P2RX7: variants seen among roughly 807,000 people sequenced by gnomAD.
The protein encoded by P2RX7 is P2X purinoceptor 7.
A neutral mutation model predicts 71.6 loss-of-function variants in P2RX7; 62 were observed. The ratio of observed to expected loss-of-function variants is 0.87; its 90% CI spans 0.71 to 1.07. P2RX7 has a LOEUF of 1.07. Ranked by LOEUF, P2RX7 falls within the 50% of genes least tolerant of loss-of-function variation. The pLI, the probability that P2RX7 is intolerant of heterozygous loss-of-function variation, is 0.00. For synonymous variants in P2RX7, 299 were observed against 283.3 expected, an observed-to-expected ratio of 1.06 and a Z score of -0.56; for missense variants, 686 against 748.5, an observed-to-expected ratio of 0.92 and a Z score of 0.97.
In P2RX7 at chr12:121,184,411, C is replaced by A. The variant is rs201763761; in HGVS notation, c.1397C>A (p.Ala466Glu). Residue 466 changes from alanine (A) to glutamate (E), a missense_variant, in exon 13 of 13, where the codon GCG becomes GAG. Transcript: ENST00000328963. ...GAGATACAGCTGCTTAGAAAGGAGG[C>A]GACTCCTAGATCCAGGGATAGCCCC... is the stretch of plus-strand genomic sequence containing the variant. ...PEEIQLLRKEATPRSRDSPVW... is the reference protein window; with the variant it reads ...PEEIQLLRKEETPRSRDSPVW... 4 of 1,614,000 alleles carry A rather than the reference C, an allele frequency of 2.5e-6. No homozygotes were observed. The highest frequency in any genetic ancestry group is 2.2e-5 in the South Asian group (2 of 91,076).
intron 8 of P2RX7, 93 bp downstream of exon 8, chr12:121,167,717 G>C (rs567584463): frequency 2.6e-6 from 3 of 1,153,894 alleles, no homozygotes; most frequent in African/African-American, 1.6e-5. Flanking sequence ...GCAACAAGAT[G>C]AATGAAAAAA....
In P2RX7 at chr12:121,160,884, T is replaced by C. The variant is rs749523524; in HGVS notation, c.364-18T>C. 4 of 1,602,110 alleles carry C rather than the reference T, an allele frequency of 2.5e-6. No individual in the cohort carries two copies. Among genetic ancestry groups the C allele is most frequent in the Non-Finnish European group, 2.6e-6 (3 of 1,169,018 alleles). Reference sequence around the variant, plus strand: ...CACACGTCACTTACTCCCCACTCTGTCATCCTTCTATCTGCAGTATCCCAC... The same window carrying C: ...CACACGTCACTTACTCCCCACTCTGCCATCCTTCTATCTGCAGTATCCCAC... On this transcript the variant is annotated intron_variant, in intron 3 of 12. Transcript: ENST00000328963.
intron 7 of P2RX7, 50 bp from the exon 8 acceptor site, chr12:121,167,425 TGTCTGGCGGTTGC>T: frequency 1.9e-6 from 3 of 1,591,050 alleles, no homozygotes; most frequent in Non-Finnish European, 2.6e-6. Flanking sequence ...TGCAGGGAGA[TGTCTGGCGGTTGC>T]GTAACTCACA....
intron 1 of P2RX7, among the ~76,000 whole-genome samples, chr12:121,139,492 T>C (rs1443767902): frequency 6.6e-6 from 1 of 152,182 alleles, no homozygotes; most frequent in Admixed American, 6.5e-5. Context: ...GAGCCTATGC[T>C]GTCATTCCTG....
chr12:121,140,225 G>A (rs1874562330), intron 1 of P2RX7, among the ~76,000 whole-genome samples: 1 of 146,276 alleles, frequency 6.8e-6, no homozygotes, highest in Admixed American at 6.6e-5. Flanking sequence ...GCAAAGACCT[G>A]GAAACAAGAG....
intron 3 of P2RX7, 127 bp from the exon 4 acceptor site, chr12:121,160,775 T>G: frequency 1.2e-6 from 1 of 812,532 alleles, no homozygotes; most frequent in Non-Finnish European, 2.2e-6. Flanking sequence ...GTTTCCACTT[T>G]TTTGGCGATT....
At chr12:121,175,327 AAAC>A in intron 8 of P2RX7, 58 bp from the exon 9 acceptor site, 1 of 1,031,534 alleles carries the variant, frequency 9.7e-7, no homozygotes. Context: ...AAAAAAAAAA[AAAC>A]CCAAAACCCA....
chr12:121,170,803 G>T (rs1882034448), intron 8 of P2RX7, among the ~76,000 whole-genome samples: 1 of 152,066 alleles, frequency 6.6e-6, no homozygotes. Flanking sequence ...TAAATAAATT[G>T]TTGAGGTCTG....
rs375830558 is a variant in P2RX7, at chr12:121,166,302, C to T, written c.744+115C>T. 3.9e-5 allele frequency: 44 copies of T among 1,137,412 alleles called. No homozygotes were observed. The African/African-American group carries it at 6.5e-4, about 17-fold the overall frequency. The allele number at this position is 1,137,412 out of a possible 1,614,324, so 70.5% of individuals were successfully genotyped here. A position where few individuals can be genotyped will look rare whatever the true frequency, so the allele number is the denominator to read the frequency against. On this transcript the variant is annotated intron_variant, in intron 7 of 12. Transcript: ENST00000328963. ...CATAATGTGGCTCACATTTACTGAG[C>T]ATTTAGTAAATCCACCCGCTACGCT...
intron 8 of P2RX7, among the ~76,000 whole-genome samples, chr12:121,174,111 G>A (rs112199676): frequency 0.034 from 4,429 of 131,998 alleles, 236 homozygotes; most frequent in African/African-American, 0.12. Context: ...GCAGTGATAC[G>A]ATCTCGGCTC....
In P2RX7 at chr12:121,184,746, C is replaced by T. The variant is rs142244492; in HGVS notation, c.1732C>T (p.Arg578Trp). 5 of 1,555,594 alleles carry T rather than the reference C, an allele frequency of 3.2e-6. No individual in the cohort carries two copies. Among genetic ancestry groups the T allele is most frequent in the Admixed American group, 1.9e-5 (1 of 51,524 alleles). ...GCCCAGCTGCTGCCGCTGGAGGATC[C>T]GGAAAGAGTTTCCGAAGAGTGAAGG... ...ILPSCCRWRI[R>W]KEFPKSEGQY... Residue 578 changes from arginine to tryptophan, a missense_variant, in exon 13 of 13, where the codon CGG becomes TGG. Arg to Trp is a moderately radical substitution (Grantham distance 101). Transcript: ENST00000328963.
At chr12:121,163,934 GA>G (rs1310810925) in intron 5 of P2RX7, among the ~76,000 whole-genome samples, 1 of 152,128 alleles carries the variant, frequency 6.6e-6, no homozygotes, top group Non-Finnish European at 1.5e-5. Flanking sequence ...CCAATGCCGG[GA>G]TGGGGGGTGC....
At chr12:121,183,218 CT>C (rs1368415056) in intron 12 of P2RX7, among the ~76,000 whole-genome samples, 1 of 150,826 alleles carries the variant, frequency 6.6e-6, no homozygotes, top group Non-Finnish European at 1.5e-5. Context: ...ATTCTATATA[CT>C]TTTTTCTATT....
At chr12:121,144,555 C>G (rs1192969084) in intron 1 of P2RX7, among the ~76,000 whole-genome samples, 1 of 152,196 alleles carries the variant, frequency 6.6e-6, no homozygotes, top group African/African-American at 2.4e-5. Flanking sequence ...AAGTCACTTA[C>G]CCAAGGTCAT....
intron 12 of P2RX7, 91 bp downstream of exon 12, chr12:121,180,546 A>G (rs1883975673): frequency 1.6e-6 from 1 of 612,200 alleles, no homozygotes; most frequent in East Asian, 2.9e-5. Flanking sequence ...ATCAAAACTG[A>G]TGGATTTTAA....
Position 121,132,888 on chromosome 12 carries a change from G to A in P2RX7, c.-83G>A. 1 of 1,535,802 alleles carries A rather than the reference G, an allele frequency of 6.5e-7. No individual in the cohort carries two copies. Among genetic ancestry groups the A allele is most frequent in the South Asian group, 1.1e-5 (1 of 88,126 alleles). On this transcript the variant is annotated 5_prime_UTR_variant, in exon 1 of 13. Coordinates refer to ENST00000328963, the MANE Select transcript of P2RX7 (RefSeq NM_002562.6). ...AAAAACCAGTACGTTTCATTTTGCA[G>A]TTACTGGGAGGGGGCTTGCTGTGGC... is the stretch of plus-strand genomic sequence containing the variant.
At chr12:121,170,682 G>A (rs781386557) in intron 8 of P2RX7, among the ~76,000 whole-genome samples, 2 of 152,154 alleles carry the variant, frequency 1.3e-5, no homozygotes, top group Non-Finnish European at 2.9e-5. Flanking sequence ...CTGAGGCAGG[G>A]AGAACTGCTT....
intron 3 of P2RX7, 48 bp downstream of exon 3, chr12:121,156,195 G>C (rs755559393): frequency 2.0e-6 from 3 of 1,502,744 alleles, no homozygotes; most frequent in Admixed American, 1.7e-5. Flanking sequence ...GAGTTCCTGG[G>C]GGAGGTGCAA....
chr12:121,175,397 G>A lies in P2RX7; in HGVS notation c.891G>A (p.Lys297=), dbSNP rs35042537. ...LYPGYNFRYA[K]YYKENNVEKR... is the part of the protein sequence containing the mutation. ...CCTTTTCTTCCTACAGATACGCCAA[G>A]TACTACAAGGAAAACAATGTTGAGA... Residue 297 remains lysine, a synonymous_variant, in exon 9 of 13, where the codon AAG becomes AAA. Transcript: ENST00000328963. The A allele has an allele frequency of 3.9e-4, 632 of 1,600,206 alleles. 2 individuals are homozygous for A. The African/African-American group carries it at 7.6e-3, about 19-fold the overall frequency.
Sources: allele counts gnomAD v4.1 joint callset (sites outside exome capture counted in the v4.1 genomes callset), GRCh38; gene constraint gnomAD v4.1.1; transcripts MANE v1.5; gene names NCBI Gene and HGNC (gene_info 2026-07-23, HGNC 2026-07-21).